The following CUBN variants were observed in gnomAD, a reference collection of about 807,000 sequenced individuals.
CUBN encodes cubilin.
CUBN carries 282 observed loss-of-function variants against 405.3 expected under a neutral mutation model. The ratio of observed to expected loss-of-function variants is 0.70; its 90% confidence interval spans 0.63 to 0.77. CUBN has a LOEUF of 0.77. Ranked by LOEUF, CUBN falls within the 30% of genes least tolerant of loss-of-function variation. The pLI, the probability that CUBN is intolerant of heterozygous loss-of-function variation, is 0.00. For missense variants in CUBN, 4,514 were observed against 4,475.2 expected (o/e 1.01, Z -0.25); for synonymous variants, 1,684 against 1,617.0 (o/e 1.04, Z -0.99).
At position 16,874,354 on chromosome 10, in the gene CUBN, A is replaced by G. The variant is rs768359735; in HGVS notation, c.9236+20T>C. ...AATGCTGAAAGGATTTTCTTAAGAA[A>G]GCCAATTTGTCTTACGTACTTGAGC... On this transcript the variant is annotated intron_variant, in intron 58 of 66. Transcript: ENST00000377833. 1.2e-6 allele frequency: 2 copies of G among 1,613,830 alleles called. No homozygotes were observed. Among genetic ancestry groups the G allele is most frequent in the Non-Finnish European group, 1.7e-6 (2 of 1,179,832 alleles).
In CUBN at chr10:16,982,490, A is replaced by T. The variant is rs558840029; in HGVS notation, c.4689T>A (p.Cys1563Ter). 1.1e-4 allele frequency: 183 copies of T among 1,613,330 alleles called. 1 individual carries two copies. The highest frequency in any genetic ancestry group is 1.0e-3 in the South Asian group (95 of 91,078). The change falls in exon 31 of 67, where the codon TGT becomes TGA. Residue 1563 changes from cysteine (C) to a stop codon, truncating the protein, a stop_gained. Transcript: ENST00000377833. LOFTEE classifies it high-confidence loss of function. ...TGAAATTTATGTCACTTACCATAAT[A>T]CAAGAGTCTTGTGGTTCAAGATCAA... Reference protein sequence around the residue: ...TDFDLEPQDSCIMAYDGLSST... With the variant: ...TDFDLEPQDS
Position 17,100,126 on chromosome 10 carries a change from A to C in CUBN, c.1644T>G (p.Phe548Leu), listed in dbSNP as rs559998744. The change falls in exon 14 of 67, where the codon TTT becomes TTG. Residue 548 changes from phenylalanine to leucine, a missense_variant. Phe to Leu is a conservative substitution (Grantham distance 22, BLOSUM62 0). Transcript: ENST00000377833. Reference protein sequence around the residue: ...DSSSAFQLGRFCGSSLPHELL... With the variant: ...DSSSAFQLGRLCGSSLPHELL... The stretch of plus-strand genomic sequence containing the variant: ...GTTCATGAGGGAGGCTGGAGCCACA[A>C]AATCTTCCAAGTTGAAAAGCAGAAG... The C allele has an allele frequency of 6.2e-7, 1 of 1,613,932 alleles. No homozygotes were observed. The highest frequency in any genetic ancestry group is 8.5e-7 in the Non-Finnish European group (1 of 1,179,836).
intron 27 of CUBN, among the ~76,000 whole-genome samples, chr10:17,031,966 C>G (rs1477005649): frequency 2.0e-5 from 3 of 152,104 alleles, no homozygotes; most frequent in East Asian, 1.9e-4. Flanking sequence ...TCGGAGAGCA[C>G]AGAGAGAAAG....
intron 31 of CUBN, among the ~76,000 whole-genome samples, chr10:16,960,877 G>A (rs775476142): frequency 4.6e-5 from 7 of 152,106 alleles, no homozygotes; most frequent in Non-Finnish European, 4.4e-5. Context: ...CATGCACTCC[G>A]CTCCCAGGGG....
At chr10:17,056,203 T>C (rs1835391476) in intron 22 of CUBN, among the ~76,000 whole-genome samples, 1 of 151,992 alleles carries the variant, frequency 6.6e-6, no homozygotes, top group Non-Finnish European at 1.5e-5. Flanking sequence ...CAATAAATGG[T>C]GCTTGAACAA....
chr10:17,120,594 T>C (rs2131320370), intron 6 of CUBN, among the ~76,000 whole-genome samples: 1 of 152,360 alleles, frequency 6.6e-6, no homozygotes, highest in East Asian at 1.9e-4. Flanking sequence ...CATTTAGAAA[T>C]GCAGCTTTCA....
chr10:16,939,298 T>C (rs1842595436), intron 37 of CUBN, 151 bp from the exon 38 acceptor site: 1 of 716,182 alleles, frequency 1.4e-6, no homozygotes, highest in South Asian at 1.6e-5. Context: ...CTGCCTCCTT[T>C]TTGGTTTCTG....
chr10:16,873,928 A>G (rs922247439), intron 58 of CUBN, among the ~76,000 whole-genome samples: 12 of 152,126 alleles, frequency 7.9e-5, no homozygotes, highest in African/African-American at 2.7e-4. Context: ...ACAATTCCCA[A>G]TCTAGAATCT....
chr10:16,911,379 C>T (rs1316636398), intron 48 of CUBN, among the ~76,000 whole-genome samples: 1 of 152,160 alleles, frequency 6.6e-6, no homozygotes, highest in Non-Finnish European at 1.5e-5. Context: ...ATAAACATTG[C>T]ATACCCCATG....
Position 17,046,004 on chromosome 10 carries a change from C to T in CUBN, c.3420G>A (p.Trp1140Ter). ...PTIISHSNKL[W>*]LKFKSDQIDT... ...CTATTTGGTCACTCTTAAATTTTAA[C>T]CATAGTTTGTTACTATGAGAGATGA... The change falls in exon 24 of 67, where the codon TGG becomes TGA. Residue 1140 changes from tryptophan (W) to a stop codon, truncating the protein, a stop_gained. Transcript: ENST00000377833. LOFTEE classifies it high-confidence loss of function. The T allele has an allele frequency of 6.2e-7, 1 of 1,613,760 alleles. No individual in the cohort carries two copies. Among genetic ancestry groups the T allele is most frequent in the Non-Finnish European group, 8.5e-7 (1 of 1,179,746 alleles).
At chr10:17,007,918 G>A (rs138118158) in intron 28 of CUBN, among the ~76,000 whole-genome samples, 1 of 152,248 alleles carries the variant, frequency 6.6e-6, no homozygotes, top group Non-Finnish European at 1.5e-5. Context: ...CATTTTGAGA[G>A]GCCGAAGCAA....
chr10:16,994,719 G>A (rs749263594), intron 28 of CUBN, among the ~76,000 whole-genome samples: 6 of 152,108 alleles, frequency 3.9e-5, no homozygotes, highest in South Asian at 2.1e-4. Context: ...TTTTAACACC[G>A]GTCATTCATA....
At chr10:16,951,908 C>A (rs1842931092) in intron 33 of CUBN, among the ~76,000 whole-genome samples, 1 of 152,162 alleles carries the variant, frequency 6.6e-6, no homozygotes, top group South Asian at 2.1e-4. Flanking sequence ...ACTCAAGGCA[C>A]ACATGTCAAA....
At chr10:16,989,379 T>G (rs3012476) in intron 29 of CUBN, among the ~76,000 whole-genome samples, 125,303 of 147,410 alleles carry the variant, frequency 0.85, 54,205 homozygotes, top group Non-Finnish European at 0.95. Flanking sequence ...TTATTGTAAT[T>G]ATTAATTATT....
intron 39 of CUBN, among the ~76,000 whole-genome samples, chr10:16,935,415 A>C (rs1448492095): frequency 6.6e-6 from 1 of 151,998 alleles, no homozygotes; most frequent in Non-Finnish European, 1.5e-5. Context: ...CAGCCTCCCA[A>C]AGTGCTGGGA....
At chr10:17,105,150 G>A (rs1302435665) in intron 11 of CUBN, among the ~76,000 whole-genome samples, 1 of 152,058 alleles carries the variant, frequency 6.6e-6, no homozygotes, top group Non-Finnish European at 1.5e-5. Flanking sequence ...TTATATGTAA[G>A]TATTTTCTAG....
intron 31 of CUBN, among the ~76,000 whole-genome samples, chr10:16,968,337 C>T (rs932838255): frequency 5.3e-5 from 8 of 151,346 alleles, no homozygotes; most frequent in African/African-American, 1.7e-4. Flanking sequence ...TTTTTTTTTC[C>T]GGATCACATC....
intron 28 of CUBN, among the ~76,000 whole-genome samples, chr10:16,994,273 T>C (rs1833670194): frequency 6.6e-6 from 1 of 152,124 alleles, no homozygotes; most frequent in East Asian, 1.9e-4. Context: ...ATTTAATATC[T>C]CTTGAAAAAA....
intron 28 of CUBN, among the ~76,000 whole-genome samples, chr10:17,004,805 G>T (rs7895884): frequency 0.38 from 57,570 of 151,526 alleles, 11,270 homozygotes; most frequent in East Asian, 0.59. Context: ...GAGTAGCTAG[G>T]ATTACAGGCA....
Sources: allele counts gnomAD v4.1 joint callset (sites outside exome capture counted in the v4.1 genomes callset), GRCh38; gene constraint gnomAD v4.1.1; transcripts MANE v1.5; gene names NCBI Gene and HGNC (gene_info 2026-07-23, HGNC 2026-07-21).